The following DYNC2H1 variants were observed in gnomAD, a reference collection of about 807,000 sequenced individuals.
DYNC2H1 encodes cytoplasmic dynein 2 heavy chain 1.
Under a neutral mutation model 570.0 loss-of-function variants are expected in DYNC2H1, and 410 were observed. That is an observed-to-expected ratio of 0.72 (90% CI 0.66 to 0.78). The LOEUF (loss-of-function observed/expected upper bound fraction) is 0.78, where lower values mean the gene tolerates loss of function less well. Ranked by LOEUF, DYNC2H1 falls within the 30% of genes least tolerant of loss-of-function variation. The pLI, the probability that DYNC2H1 is intolerant of heterozygous loss-of-function variation, is 0.00. For synonymous variants in DYNC2H1, 1,688 were observed against 1,677.6 expected, an observed-to-expected ratio of 1.01 and a Z score of -0.15; for missense variants, 4,865 against 5,046.4, an observed-to-expected ratio of 0.96 and a Z score of 1.09.
rs779587335 is a variant in DYNC2H1 at position 103,154,462 on chromosome 11, A to G, written c.3314A>G (p.His1105Arg). 6.5e-7 allele frequency: 1 copy of G among 1,536,064 alleles called. No individual in the cohort carries two copies. Among genetic ancestry groups the G allele is most frequent in the Non-Finnish European group, 8.7e-7 (1 of 1,145,300 alleles). Residue 1105 changes from histidine (H) to arginine (R), a missense_variant, in exon 23 of 89, where the codon CAT (histidine) becomes CGT (arginine). By Grantham distance (29) the His-to-Arg change is conservative. Transcript: ENST00000375735. Reference sequence around the variant, plus strand: ...ATTTGTTTCTATAGTGATGATTGCCATCATTTTAGACTGGAAGAGCCTAAT... The same window carrying G: ...ATTTGTTTCTATAGTGATGATTGCCGTCATTTTAGACTGGAAGAGCCTAAT... ...VTRKKLVDDC[H>R]HFRLEEPNFS...
chr11:103,476,127 G>A (rs1396076158), intron 88 of DYNC2H1, among the ~76,000 whole-genome samples: 2 of 152,158 alleles, frequency 1.3e-5, no homozygotes, highest in East Asian at 1.9e-4. Context: ...ATCGGCTAAG[G>A]AGTCATGACA....
In DYNC2H1 at chr11:103,148,002, T is replaced by A. The variant is rs183187906; in HGVS notation, c.2818+115T>A. On this transcript the variant is annotated intron_variant, in intron 19 of 88. Transcript: ENST00000375735. Reference sequence around the variant, plus strand: ...ATTAAAAACCAAAACTGAACTAATTTAAAAAAAGCAGGAAAAGTCCATATT... The same window carrying A: ...ATTAAAAACCAAAACTGAACTAATTAAAAAAAAGCAGGAAAAGTCCATATT... 549 of 722,084 alleles carry A rather than the reference T, an allele frequency of 7.6e-4. 1 individual carries two copies. The highest frequency in any genetic ancestry group is 1.1e-3 in the Non-Finnish European group (516 of 456,196). 44.7% of individuals were successfully genotyped at this position (722,084 alleles called of 1,614,324 possible). A position where few individuals can be genotyped will look rare whatever the true frequency, so the allele number is the denominator to read the frequency against.
chr11:103,452,874 A>G (rs1349990269), intron 85 of DYNC2H1, among the ~76,000 whole-genome samples: 2 of 152,074 alleles, frequency 1.3e-5, no homozygotes, highest in Non-Finnish European at 2.9e-5. Context: ...CTACATAATC[A>G]ACATTTTAAA....
intron 82 of DYNC2H1, among the ~76,000 whole-genome samples, chr11:103,336,260 G>A (rs3910092): frequency 0.26 from 39,241 of 151,956 alleles, 5,311 homozygotes; most frequent in Admixed American, 0.34. Context: ...AGTATCCATC[G>A]CCTCAAACAT....
chr11:103,251,723 A>G (rs916911534), intron 65 of DYNC2H1, among the ~76,000 whole-genome samples: 4 of 151,978 alleles, frequency 2.6e-5, no homozygotes, highest in Non-Finnish European at 5.9e-5. Flanking sequence ...CCCCTGGTAA[A>G]TACTGTTTTA....
At chr11:103,389,425 T>G (rs1942036983) in intron 83 of DYNC2H1, among the ~76,000 whole-genome samples, 1 of 152,200 alleles carries the variant, frequency 6.6e-6, no homozygotes, top group African/African-American at 2.4e-5. Context: ...TCTATCAATT[T>G]TGTTGATCTT....
At chr11:103,240,692 A>T (rs1282720978) in intron 63 of DYNC2H1, among the ~76,000 whole-genome samples, 1 of 152,054 alleles carries the variant, frequency 6.6e-6, no homozygotes, top group Non-Finnish European at 1.5e-5. Context: ...TTGTATGTGG[A>T]TAAATATATC....
chr11:103,398,508 C>T (rs549958349), intron 83 of DYNC2H1, among the ~76,000 whole-genome samples: 1 of 152,230 alleles, frequency 6.6e-6, no homozygotes, highest in South Asian at 2.1e-4. Context: ...AAATTACTTA[C>T]TATGCTAAAT....
intron 84 of DYNC2H1, among the ~76,000 whole-genome samples, chr11:103,433,860 C>G (rs976333825): frequency 1.3e-5 from 2 of 152,060 alleles, no homozygotes; most frequent in African/African-American, 4.8e-5. Context: ...GTTGCCCGTT[C>G]CCTTTAAAAC....
intron 54 of DYNC2H1, among the ~76,000 whole-genome samples, 183 bp downstream of exon 54, chr11:103,212,126 T>A (rs954398819): frequency 1.1e-4 from 16 of 152,024 alleles, no homozygotes; most frequent in African/African-American, 3.4e-4. Flanking sequence ...ATGATTTGTA[T>A]TTTTTTTAAA....
chr11:103,392,007 A>T (rs1290788958), intron 83 of DYNC2H1, among the ~76,000 whole-genome samples: 1 of 152,212 alleles, frequency 6.6e-6, no homozygotes. Context: ...TGGGAGAACC[A>T]CTACTCTCTT....
chr11:103,313,140 T>C (rs1487302882), intron 79 of DYNC2H1, among the ~76,000 whole-genome samples: 2 of 152,212 alleles, frequency 1.3e-5, no homozygotes, highest in South Asian at 2.1e-4. Context: ...AGTGGCTTTT[T>C]ATTGTACTTA....
chr11:103,333,249 G>T (rs908415881), intron 82 of DYNC2H1, among the ~76,000 whole-genome samples: 2 of 152,080 alleles, frequency 1.3e-5, no homozygotes, highest in Admixed American at 6.5e-5. Context: ...GAATTATTAT[G>T]AGGTTTATGT....
intron 30 of DYNC2H1, among the ~76,000 whole-genome samples, chr11:103,164,126 T>C (rs1861204880): frequency 6.6e-6 from 1 of 152,200 alleles, no homozygotes; most frequent in African/African-American, 2.4e-5. Context: ...TTCCTAGTAC[T>C]CTGTCAACTT....
At chr11:103,304,055 A>C (rs531388222) in intron 76 of DYNC2H1, among the ~76,000 whole-genome samples, 1 of 152,032 alleles carries the variant, frequency 6.6e-6, no homozygotes, top group Non-Finnish European at 1.5e-5. Context: ...TTTGCATGTA[A>C]ATTTGAAAAT....
chr11:103,371,927 GTTTTTTTTTTT>G (rs60335910), intron 83 of DYNC2H1, among the ~76,000 whole-genome samples: 10 of 67,896 alleles, frequency 1.5e-4, no homozygotes, highest in African/African-American at 2.7e-4. Context: ...TCCCATTTGG[GTTTTTTTTTTT>G]TTTTTTTTTT....
At chr11:103,457,711 G>C (rs896775510) in intron 87 of DYNC2H1, among the ~76,000 whole-genome samples, 9 of 152,230 alleles carry the variant, frequency 5.9e-5, no homozygotes, top group Non-Finnish European at 8.8e-5. Flanking sequence ...CTGGGTTCAA[G>C]TGATCCTTCT....
chr11:103,197,956 G>T lies in DYNC2H1; in HGVS notation c.7732G>T (p.Ala2578Ser). ...AGATAGTTTCTACGTTACATGGGGAGCTCGGCATAATTCAGGAGCAAGGGC... is the reference window on the plus strand; with the variant it reads ...AGATAGTTTCTACGTTACATGGGGATCTCGGCATAATTCAGGAGCAAGGGC... ...MSDSFYVTWG[A>S]RHNSGARAAP... Residue 2578 changes from alanine to serine, a missense_variant, in exon 48 of 89, where the codon GCT (alanine) becomes TCT (serine). Physicochemically the swap from Ala to Ser is moderately conservative, Grantham distance 99 (BLOSUM62 1). Around this residue, in one of 5 missense-constraint regions of DYNC2H1, gnomAD observed 2,401 missense variants for 2,454.6 expected, o/e 0.98. Coordinates refer to ENST00000375735, the MANE Select transcript of DYNC2H1 (RefSeq NM_001377.3). 6.4e-7 allele frequency: 1 copy of T among 1,570,244 alleles called. No homozygotes were observed. Among genetic ancestry groups the T allele is most frequent in the Non-Finnish European group, 8.6e-7 (1 of 1,156,714 alleles).
chr11:103,223,263 T>C (rs1323193526), intron 59 of DYNC2H1, among the ~76,000 whole-genome samples, 177 bp downstream of exon 59: 1 of 149,714 alleles, frequency 6.7e-6, no homozygotes, highest in African/African-American at 2.4e-5. Flanking sequence ...AAGAAAGCAA[T>C]TAGAAGGAGA....
Sources: gnomAD v4.1 joint callset for allele counts (sites outside exome capture counted in the v4.1 genomes callset) on GRCh38, gnomAD v4.1.1 for gene constraint, gnomAD v4.1.1 regional missense constraint, MANE v1.5 for transcripts, NCBI Gene and HGNC (gene_info 2026-07-23, HGNC 2026-07-21) for gene names.